PYROXD1: variants seen among roughly 807,000 people sequenced by gnomAD.
The protein encoded by PYROXD1 is tRNA ligase complex-associated NAD(P)H dehydrogenase PYROXD1.
In PYROXD1, 42 loss-of-function variants were observed where a neutral mutation model predicts 62.0. That is an observed-to-expected ratio of 0.68 (90% CI 0.53 to 0.88). The LOEUF is 0.88. PYROXD1 is among the 40% of genes least tolerant of loss of function. The pLI, the probability that PYROXD1 is intolerant of heterozygous loss-of-function variation, is 0.00. For synonymous variants in PYROXD1, 170 were observed against 206.4 expected, an observed-to-expected ratio of 0.82 and a Z score of 1.51; for missense variants, 493 against 604.8, an observed-to-expected ratio of 0.82 and a Z score of 1.94.
chr12:21,453,379 T>C (rs1341708446), intron 5 of PYROXD1, among the ~76,000 whole-genome samples: 1 of 152,078 alleles, frequency 6.6e-6, no homozygotes, highest in Non-Finnish European at 1.5e-5. Flanking sequence ...TGACTTGAGG[T>C]CTGCTGCGTG....
Position 21,437,691 on chromosome 12 carries a change from T to C in PYROXD1, c.-40T>C, listed in dbSNP as rs1403121452. On this transcript the variant is annotated 5_prime_UTR_variant, in exon 1 of 12. Transcript: ENST00000240651. ...CTCCTGGAGTCCAGAGTCCCGTTGCTCCGCCGCGATATTCAGTAAACCACT... is the reference window on the plus strand; with the variant it reads ...CTCCTGGAGTCCAGAGTCCCGTTGCCCCGCCGCGATATTCAGTAAACCACT... 1.3e-6 allele frequency: 2 copies of C among 1,583,074 alleles called. No individual in the cohort carries two copies. The highest frequency in any genetic ancestry group is 1.2e-5 in the South Asian group (1 of 86,912).
At position 21,449,661 on chromosome 12, in the gene PYROXD1, A is replaced by G. The variant is rs767448092; in HGVS notation, c.384A>G (p.Val128=). 5 of 1,613,062 alleles carry G rather than the reference A, an allele frequency of 3.1e-6. No homozygotes were observed. The highest frequency in any genetic ancestry group is 8.5e-7 in the Non-Finnish European group (1 of 1,179,436). The change falls in exon 4 of 12, where the codon GTA becomes GTG. Residue 128 remains valine, a synonymous_variant. Transcript: ENST00000240651. The part of the protein sequence containing the change: ...PKLICEGNPY[V]LGIRDTDSAQ... ...TGATATGTGAAGGAAATCCTTATGT[A>G]TTAGGAATCCGTGATACAGACAGTG...
At chr12:21,463,271 TTAAA>T (rs1459897670) in intron 10 of PYROXD1, among the ~76,000 whole-genome samples, 1 of 152,180 alleles carries the variant, frequency 6.6e-6, no homozygotes, top group Non-Finnish European at 1.5e-5. Context: ...CTCATTAACT[TTAAA>T]TATATGTGGC....
At position 21,461,018 on chromosome 12, in the gene PYROXD1, AT is replaced by A. The variant is rs1359106377; in HGVS notation, c.751-3del. ...TATTATGCTAACCAGTATTTTCTTA[AT>A]TTTAGTTTTCTCATAAGATTCACCT... is the stretch of plus-strand genomic sequence containing the variant. On this transcript the variant is annotated splice_region_variant and splice_polypyrimidine_tract_variant and intron_variant, in intron 7 of 11. Transcript: ENST00000240651. 1.3e-6 allele frequency: 2 copies of A among 1,492,588 alleles called. No individual in the cohort carries two copies. Among genetic ancestry groups the A allele is most frequent in the Admixed American group, 2.2e-5 (1 of 46,030 alleles). 92.5% of individuals were successfully genotyped at this position (1,492,588 alleles called of 1,614,324 possible).
rs1397650413 is a variant in PYROXD1, at chr12:21,437,719, G to A, written c.-12G>A. On this transcript the variant is annotated 5_prime_UTR_variant, in exon 1 of 12. Transcript: ENST00000240651. ...GCCGCGATATTCAGTAAACCACTGG[G>A]AGTCCGGCAGCATGGAGGCAGCGCG... is the stretch of plus-strand genomic sequence containing the variant. 1.9e-6 allele frequency: 3 copies of A among 1,609,888 alleles called. No individual in the cohort carries two copies. Among genetic ancestry groups the A allele is most frequent in the African/African-American group, 1.3e-5 (1 of 74,892 alleles).
rs568482327 is a variant in PYROXD1 at position 21,461,534 on chromosome 12, G to C, written c.880+380G>C. Reference sequence around the variant, plus strand: ...CTAACTCCAGTTCCACAACTCCTCTGAGAATTGCCATGATTTGAAGAAATA... The same window carrying C: ...CTAACTCCAGTTCCACAACTCCTCTCAGAATTGCCATGATTTGAAGAAATA... On this transcript the variant is annotated intron_variant, in intron 8 of 11. Coordinates refer to ENST00000240651, the MANE Select transcript of PYROXD1 (RefSeq NM_024854.5). Among the ~76,000 whole-genome samples the C allele has an allele frequency of 4.6e-5, 7 of 152,248 alleles. No individual in the cohort carries two copies. The South Asian group carries it at 1.5e-3, about 32-fold the overall frequency.
intron 9 of PYROXD1, 133 bp from the exon 10 acceptor site, chr12:21,462,607 T>C (rs967064568): frequency 1.0e-6 from 1 of 979,192 alleles, no homozygotes; most frequent in Non-Finnish European, 1.5e-6. Context: ...GTCTAAACTT[T>C]GCTGATATTT....
intron 3 of PYROXD1, 132 bp from the exon 4 acceptor site, chr12:21,449,431 T>C (rs1942450543): frequency 1.5e-6 from 1 of 666,914 alleles, no homozygotes; most frequent in South Asian, 2.2e-5. Context: ...AACAAAGAAC[T>C]GAGTGCCACC....
rs1942827081 is a variant in PYROXD1, at chr12:21,467,689, T to G, written c.1254+71T>G. ...ATGACTATGATAAATCATGTGATTT[T>G]CTTGCTTGAATAAAAACGTACATAG... is the stretch of plus-strand genomic sequence containing the variant. On this transcript the variant is annotated intron_variant, in intron 11 of 11. Transcript: ENST00000240651. 6 of 1,222,438 alleles carry G rather than the reference T, an allele frequency of 4.9e-6. No individual in the cohort carries two copies. The Admixed American group carries it at 1.2e-4, about 25-fold the overall frequency. 75.7% of individuals were successfully genotyped at this position (1,222,438 alleles called of 1,614,324 possible). A position where few individuals can be genotyped will look rare whatever the true frequency, so the allele number is the denominator to read the frequency against.
chr12:21,467,494 C>A lies in PYROXD1; in HGVS notation c.1130C>A (p.Thr377Asn). ...SPVWQQMRLW[T>N]QARQMGWYAA... ...TCATCATTTCAGATGAGGCTGTGGA[C>A]CCAGGCTAGACAGATGGGATGGTAT... Residue 377 changes from threonine to asparagine, a missense_variant, in exon 11 of 12, where the codon ACC becomes AAC. Thr to Asn is a moderately conservative substitution (Grantham distance 65). Around this residue, in one of 2 missense-constraint regions of PYROXD1, gnomAD observed 329 missense variants for 446.6 expected, o/e 0.74. Coordinates refer to ENST00000240651, the MANE Select transcript of PYROXD1 (RefSeq NM_024854.5). 6.2e-7 allele frequency: 1 copy of A among 1,603,742 alleles called. No homozygotes were observed. The highest frequency in any genetic ancestry group is 1.1e-5 in the South Asian group (1 of 88,790).
rs368078721 is a variant in PYROXD1, at chr12:21,468,647, G to A, written c.1396G>A (p.Asp466Asn). ...GGGAGCTGTCTTAATTGGTGAAACC[G>A]ATTTAGAAGAAACATTTGAAAACCT... Reference protein sequence around the residue: ...MMGAVLIGETDLEETFENLIL... With the variant: ...MMGAVLIGETNLEETFENLIL... The change falls in exon 12 of 12, where the codon GAT (aspartate) becomes AAT (asparagine). Residue 466 changes from aspartate (D) to asparagine (N), a missense_variant. Transcript: ENST00000240651. 1.4e-5 allele frequency: 23 copies of A among 1,612,694 alleles called. No individual in the cohort carries two copies. The African/African-American group carries it at 2.4e-4, about 17-fold the overall frequency.
chr12:21,464,026 A>G (rs924479132), intron 10 of PYROXD1, among the ~76,000 whole-genome samples: 1 of 152,192 alleles, frequency 6.6e-6, no homozygotes, highest in Non-Finnish European at 1.5e-5. Flanking sequence ...GTTCTTACAG[A>G]CAGTAGAGAC....
chr12:21,446,915 A>C lies in PYROXD1; in HGVS notation c.285+1449A>C, dbSNP rs565627422. Among the ~76,000 whole-genome samples, 3 of 152,322 alleles carry C rather than the reference A, an allele frequency of 2.0e-5. No individual in the cohort carries two copies. In the East Asian group the frequency reaches 5.8e-4, roughly 29 times the overall value. On this transcript the variant is annotated intron_variant, in intron 3 of 11. Coordinates refer to ENST00000240651, the MANE Select transcript of PYROXD1 (RefSeq NM_024854.5). ...GGGCAACAGAGTGAGACCCTGTCTC[A>C]AAAAGGATAATAATAATTTTTAAAA...
In PYROXD1 at chr12:21,455,261, T is replaced by G; in HGVS notation, c.618T>G (p.Ile206Met). Residue 206 changes from isoleucine (I) to methionine (M), a missense_variant, in exon 6 of 12, where the codon ATT (isoleucine) becomes ATG (methionine). Physicochemically the swap from Ile to Met is conservative, Grantham distance 10. Around this residue, in one of 2 missense-constraint regions of PYROXD1, gnomAD observed 329 missense variants for 446.6 expected, o/e 0.74. Transcript: ENST00000240651. ...KLIAEKSEAKIAHKRTRYTTE... is the reference protein window; with the variant it reads ...KLIAEKSEAKMAHKRTRYTTE... ...TTGCTGAAAAATCAGAGGCTAAAAT[T>G]GCACATAAAAGAACCAGATATACAA... The G allele has an allele frequency of 6.4e-7, 1 of 1,569,716 alleles. No homozygotes were observed. The highest frequency in any genetic ancestry group is 2.3e-5 in the East Asian group (1 of 42,984).
intron 5 of PYROXD1, 121 bp downstream of exon 5, chr12:21,452,275 C>A: frequency 1.5e-6 from 1 of 654,052 alleles, no homozygotes; most frequent in Non-Finnish European, 2.3e-6. Flanking sequence ...GTTTTTTATT[C>A]TGAAAATCAA....
Position 21,468,427 on chromosome 12 carries a change from C to T in PYROXD1, c.1255-79C>T, listed in dbSNP as rs537891664. 1.0e-5 allele frequency: 14 copies of T among 1,351,896 alleles called. No individual in the cohort carries two copies. In the South Asian group the frequency reaches 1.9e-4, roughly 18 times the overall value. The allele number at this position is 1,351,896 out of a possible 1,614,324, so 83.7% of individuals were successfully genotyped here. A position where few individuals can be genotyped will look rare whatever the true frequency, so the allele number is the denominator to read the frequency against. ...GTGGCATAAGTTTTCTGCGGCTATT[C>T]AAACTTGACACAAAATAACTACCCA... is the stretch of plus-strand genomic sequence containing the variant. On this transcript the variant is annotated intron_variant, in intron 11 of 11. Coordinates refer to ENST00000240651, the MANE Select transcript of PYROXD1 (RefSeq NM_024854.5).
intron 7 of PYROXD1, 49 bp from the exon 8 acceptor site, chr12:21,460,976 G>GATGATGAAGTA: frequency 8.4e-7 from 1 of 1,187,938 alleles, no homozygotes. Context: ...AGTAACCCGG[G>GATGATGAAGTA]TTATTCTTTC....
chr12:21,461,969 A>G lies in PYROXD1; in HGVS notation c.881-39A>G, dbSNP rs3825287. Reference sequence around the variant, plus strand: ...CACTGCTGTGGTGATGGTTCCATTTACAAATAAAGTCTGTTTTTTTGGTTT... The same window carrying G: ...CACTGCTGTGGTGATGGTTCCATTTGCAAATAAAGTCTGTTTTTTTGGTTT... On this transcript the variant is annotated intron_variant, in intron 8 of 11. Transcript: ENST00000240651. 629,616 of 1,280,190 alleles carry G rather than the reference A, an allele frequency of 0.49. 155,723 individuals carry two copies. The highest frequency in any genetic ancestry group is 0.56 in the East Asian group (24,146 of 42,932). 79.3% of individuals were successfully genotyped at this position (1,280,190 alleles called of 1,614,324 possible). A position where few individuals can be genotyped will look rare whatever the true frequency, so the allele number is the denominator to read the frequency against.
intron 2 of PYROXD1, among the ~76,000 whole-genome samples, chr12:21,441,491 G>A (rs1942294052): frequency 6.6e-6 from 1 of 151,534 alleles, no homozygotes. Flanking sequence ...CCTTCTGACT[G>A]TATATTTTCA....
Sources: allele counts gnomAD v4.1 joint callset (sites outside exome capture counted in the v4.1 genomes callset), GRCh38; gene constraint gnomAD v4.1.1; regional missense constraint gnomAD v4.1.1; transcripts MANE v1.5; gene names NCBI Gene and HGNC (gene_info 2026-07-23, HGNC 2026-07-21).